BAZ1A: variants seen among roughly 807,000 people sequenced by gnomAD.
The protein encoded by BAZ1A is bromodomain adjacent to zinc finger domain protein 1A.
A neutral mutation model predicts 185.2 loss-of-function variants in BAZ1A; 50 were observed. The ratio of observed to expected loss-of-function variants is 0.27; its 90% CI spans 0.22 to 0.34. BAZ1A has a LOEUF of 0.34. BAZ1A is among the 10% of genes least tolerant of loss of function. The pLI is 1.00. For missense variants in BAZ1A, 1,356 were observed against 1,839.9 expected (o/e 0.74, Z 4.81); for synonymous variants, 571 against 615.6 (o/e 0.93, Z 1.07).
chr14:34,867,904 G>A (rs1215763110), intron 2 of BAZ1A, among the ~76,000 whole-genome samples: 1 of 152,038 alleles, frequency 6.6e-6, no homozygotes, highest in Non-Finnish European at 1.5e-5. Context: ...AATTCTAGGG[G>A]GTTGGTTACA....
chr14:34,821,289 T>A (rs936943755), intron 4 of BAZ1A, among the ~76,000 whole-genome samples: 1 of 152,230 alleles, frequency 6.6e-6, no homozygotes, highest in Admixed American at 6.5e-5. Flanking sequence ...TATGTCCATC[T>A]ACCATTACAG....
intron 4 of BAZ1A, among the ~76,000 whole-genome samples, chr14:34,822,920 T>C (rs2042109102): frequency 6.6e-6 from 1 of 152,212 alleles, no homozygotes; most frequent in Non-Finnish European, 1.5e-5. Flanking sequence ...CCACAAAATA[T>C]GCAGGTAGCT....
intron 17 of BAZ1A, among the ~76,000 whole-genome samples, chr14:34,778,929 A>G (rs1024124386): frequency 6.6e-6 from 1 of 152,192 alleles, no homozygotes; most frequent in African/African-American, 2.4e-5. Context: ...ATCAGGGCGC[A>G]CTGCAGCCTT....
At chr14:34,843,574 C>T (rs1198127939) in intron 3 of BAZ1A, among the ~76,000 whole-genome samples, 2 of 152,106 alleles carry the variant, frequency 1.3e-5, no homozygotes, top group Admixed American at 1.3e-4. Flanking sequence ...ACATTGCAGC[C>T]AACCACAGAA....
rs551657771 is a variant in BAZ1A at position 34,755,301 on chromosome 14, T to A, written c.4387-387A>T. 1.8e-4 allele frequency among the ~76,000 whole-genome samples: 28 copies of A among 152,278 alleles called. No homozygotes were observed. In the South Asian group the frequency reaches 5.8e-3, roughly 32 times the overall value. On this transcript the variant is annotated intron_variant, in intron 25 of 26. Coordinates refer to ENST00000360310, the MANE Select transcript of BAZ1A (RefSeq NM_013448.3). ...ATTTTTTTATGCTATTCAATATTAATTAATCCTTCTCATTCTTGCTCTAGA... is the reference window on the plus strand; with the variant it reads ...ATTTTTTTATGCTATTCAATATTAAATAATCCTTCTCATTCTTGCTCTAGA...
intron 24 of BAZ1A, among the ~76,000 whole-genome samples, chr14:34,760,882 C>T (rs140388065): frequency 4.7e-4 from 72 of 151,906 alleles, no homozygotes; most frequent in African/African-American, 1.7e-3. Flanking sequence ...AATTTTATTA[C>T]CACTTACATT....
intron 24 of BAZ1A, among the ~76,000 whole-genome samples, chr14:34,760,415 A>G (rs1015029050): frequency 2.6e-5 from 4 of 152,028 alleles, no homozygotes; most frequent in East Asian, 3.8e-4. Context: ...TCTTTCACCA[A>G]TGAATTCCTT....
At chr14:34,772,616 A>G (rs1251662631) in intron 20 of BAZ1A, among the ~76,000 whole-genome samples, 1 of 152,040 alleles carries the variant, frequency 6.6e-6, no homozygotes, top group African/African-American at 2.4e-5. Flanking sequence ...AATATTTAAT[A>G]CTTATACTTA....
At chr14:34,843,043 T>C (rs1320246465) in intron 3 of BAZ1A, among the ~76,000 whole-genome samples, 1 of 152,006 alleles carries the variant, frequency 6.6e-6, no homozygotes, top group African/African-American at 2.4e-5. Flanking sequence ...TTAGTAGTCT[T>C]GTATTCATCT....
chr14:34,768,036 CA>C (rs950068158), intron 21 of BAZ1A, among the ~76,000 whole-genome samples: 30 of 152,230 alleles, frequency 2.0e-4, no homozygotes, highest in Admixed American at 3.3e-4. Context: ...ACAGTATATA[CA>C]ATTGATTCCA....
At chr14:34,770,030 T>C (rs1380950283) in intron 21 of BAZ1A, among the ~76,000 whole-genome samples, 7 of 152,202 alleles carry the variant, frequency 4.6e-5, no homozygotes, top group Non-Finnish European at 8.8e-5. Context: ...ACAGTGTGAA[T>C]AGACTTAATG....
intron 24 of BAZ1A, among the ~76,000 whole-genome samples, chr14:34,760,862 A>G (rs529021665): frequency 6.6e-6 from 1 of 152,122 alleles, no homozygotes; most frequent in Non-Finnish European, 1.5e-5. Flanking sequence ...CAATAAAATT[A>G]AAAAATCAAA....
In BAZ1A at chr14:34,826,010, T is replaced by C. The variant is rs1204875935; in HGVS notation, c.536+3A>G. The C allele has an allele frequency of 2.0e-6, 3 of 1,534,356 alleles. No individual in the cohort carries two copies. Among genetic ancestry groups the C allele is most frequent in the Non-Finnish European group, 2.6e-6 (3 of 1,143,550 alleles). On this transcript the variant is annotated splice_donor_region_variant and intron_variant, in intron 4 of 26. Coordinates refer to ENST00000360310, the MANE Select transcript of BAZ1A (RefSeq NM_013448.3). ...AATTTAAAAATTAATAAAAATCACT[T>C]ACCCATTTTGAAAAGAACAGCTTTG...
At chr14:34,856,772 C>T (rs2042686067) in intron 3 of BAZ1A, among the ~76,000 whole-genome samples, 1 of 148,380 alleles carries the variant, frequency 6.7e-6, no homozygotes, top group East Asian at 2.1e-4. Context: ...GCAGGAGAAT[C>T]GCCTGAACTC....
At position 34,874,582 on chromosome 14, in the gene BAZ1A, G is replaced by A; in HGVS notation, c.23C>T (p.Pro8Leu). 1 of 1,610,652 alleles carries A rather than the reference G, an allele frequency of 6.2e-7. No homozygotes were observed. Among genetic ancestry groups the A allele is most frequent in the Non-Finnish European group, 8.5e-7 (1 of 1,178,596 alleles). ...CGCGGGCGGCTTCTGTCTCACAAAC[G>A]GCTTTCGGTGTAGCAGCGGCATCTC... MPLLHRKPFVRQKPPADL... is the reference protein window; with the variant it reads MPLLHRKLFVRQKPPADL... Residue 8 changes from proline to leucine, a missense_variant, in exon 2 of 27, where the codon CCG becomes CTG. Pro to Leu is a moderately conservative substitution (Grantham distance 98, BLOSUM62 -3). Around this residue, in one of 7 missense-constraint regions of BAZ1A, gnomAD observed 332 missense variants for 395.3 expected, o/e 0.84. Coordinates refer to ENST00000360310, the MANE Select transcript of BAZ1A (RefSeq NM_013448.3). The surrounding 1 kb of genome is among the most constrained non-coding windows in gnomAD (Gnocchi z 4.7).
chr14:34,771,469 T>C (rs1173201625), intron 21 of BAZ1A, 42 bp downstream of exon 21: 1 of 1,566,182 alleles, frequency 6.4e-7, no homozygotes, highest in Middle Eastern at 1.7e-4. Flanking sequence ...TCAAAATTAC[T>C]TATAACACAA....
intron 3 of BAZ1A, among the ~76,000 whole-genome samples, chr14:34,844,455 C>T (rs1040396152): frequency 1.6e-4 from 24 of 151,990 alleles, no homozygotes; most frequent in Non-Finnish European, 3.1e-4. Flanking sequence ...CCCAAAACAA[C>T]TTACAGACTC....
chr14:34,837,408 T>A (rs1821470371), intron 3 of BAZ1A, among the ~76,000 whole-genome samples: 1 of 23,062 alleles, frequency 4.3e-5, no homozygotes. Context: ...CCCCAGCTAA[T>A]TTTTTTTTTT....
chr14:34,800,438 A>T, intron 8 of BAZ1A, 48 bp from the exon 9 acceptor site: 1 of 1,383,580 alleles, frequency 7.2e-7, no homozygotes, highest in East Asian at 2.7e-5. Flanking sequence ...ACAAAATAAC[A>T]CTTGGCAATT....
Sources: gnomAD v4.1 joint callset for allele counts (sites outside exome capture counted in the v4.1 genomes callset) on GRCh38, gnomAD v4.1.1 for gene constraint, gnomAD v4.1.1 regional missense constraint, Gnocchi (gnomAD v3.1) non-coding constraint, MANE v1.5 for transcripts, NCBI Gene and HGNC (gene_info 2026-07-23, HGNC 2026-07-21) for gene names.